Variants in ZMYND11 observed in about 807,000 individuals in gnomAD.
ZMYND11 encodes zinc finger MYND-type containing 11, also known as zinc finger MYND domain-containing protein 11.
A neutral mutation model predicts 84.9 loss-of-function variants in ZMYND11; 9 were observed. That is an observed-to-expected ratio of 0.11 (90% CI 0.06 to 0.18). The LOEUF (loss-of-function observed/expected upper bound fraction) is 0.18. ZMYND11 is among the 10% of genes least tolerant of loss of function. The probability of loss-of-function intolerance (pLI) is 1.00; values close to 1 mark genes in which losing one functional copy is unlikely to be tolerated. For synonymous variants in ZMYND11, 250 were observed against 244.1 expected (o/e 1.02, Z -0.23); for missense variants, 409 against 761.0 (o/e 0.54, Z 5.44).
intron 2 of ZMYND11, among the ~76,000 whole-genome samples, chr10:188,670 T>C (rs1335729757): frequency 6.6e-6 from 1 of 152,202 alleles, no homozygotes; most frequent in Non-Finnish European, 1.5e-5. Flanking sequence ...GTGTCTATTT[T>C]AGTATCCATT....
chr10:242,945 AAAT>A (rs779884016), intron 10 of ZMYND11, among the ~76,000 whole-genome samples: 1 of 152,384 alleles, frequency 6.6e-6, no homozygotes, highest in African/African-American at 2.4e-5. Flanking sequence ...AAGAAACATT[AAAT>A]AATGATCCAA....
intron 10 of ZMYND11, chr10:244,536 A>T (rs1589253814): frequency 6.6e-6 from 1 of 152,322 alleles, no homozygotes; most frequent in East Asian, 1.9e-4. Flanking sequence ...ACCTGTCTTA[A>T]GGAGGCTAGA....
intron 1 of ZMYND11, among the ~76,000 whole-genome samples, chr10:152,711 C>T (rs1329931027): frequency 6.6e-6 from 1 of 152,156 alleles, no homozygotes; most frequent in Admixed American, 6.5e-5. Flanking sequence ...ACCAAGCGGA[C>T]CTACTAGACA....
chr10:136,160 C>T (rs73581705), intron 1 of ZMYND11, among the ~76,000 whole-genome samples: 34,533 of 152,010 alleles, frequency 0.23, 4,225 homozygotes, highest in South Asian at 0.33. Flanking sequence ...CGCGGACCTC[C>T]GGGACAGTCC....
intron 8 of ZMYND11, among the ~76,000 whole-genome samples, chr10:240,521 GTCTTT>G (rs769101574): frequency 3.3e-5 from 5 of 152,094 alleles, no homozygotes; most frequent in Admixed American, 6.6e-5. Flanking sequence ...ACAAAAAAAG[GTCTTT>G]TATTTTCATG....
chr10:195,416 T>A (rs1157405611), intron 2 of ZMYND11, among the ~76,000 whole-genome samples: 1 of 152,222 alleles, frequency 6.6e-6, no homozygotes. Context: ...AAAATTAGGC[T>A]GGTGCCACCA....
At chr10:179,552 G>A (rs1321439575) in intron 1 of ZMYND11, among the ~76,000 whole-genome samples, 2 of 152,004 alleles carry the variant, frequency 1.3e-5, no homozygotes, top group Non-Finnish European at 2.9e-5. Flanking sequence ...ATCTATGTAT[G>A]TATATAAAAT....
intron 1 of ZMYND11, among the ~76,000 whole-genome samples, chr10:136,544 T>G (rs918216986): frequency 2.6e-5 from 4 of 152,150 alleles, no homozygotes; most frequent in Non-Finnish European, 5.9e-5. Flanking sequence ...GCTTAGGCTG[T>G]GCACTCAGCC....
intron 5 of ZMYND11, 91 bp downstream of exon 5, chr10:237,006 A>G (rs7903169): frequency 3.2e-6 from 4 of 1,231,136 alleles, no homozygotes; most frequent in African/African-American, 3.0e-5. Flanking sequence ...AGAAGTAACA[A>G]ATATGTACAT....
intron 2 of ZMYND11, among the ~76,000 whole-genome samples, chr10:202,500 T>G (rs1943389951): frequency 6.6e-6 from 1 of 152,178 alleles, no homozygotes; most frequent in Admixed American, 6.5e-5. Flanking sequence ...TCAGTTATTC[T>G]TTATTCTAAT....
chr10:218,063 T>G (rs1946488312), intron 3 of ZMYND11, among the ~76,000 whole-genome samples: 1 of 152,216 alleles, frequency 6.6e-6, no homozygotes, highest in Admixed American at 6.5e-5. Flanking sequence ...GTGAACCAGT[T>G]TTAAATTAAT....
intron 1 of ZMYND11, among the ~76,000 whole-genome samples, chr10:178,244 T>G (rs1327372893): frequency 6.6e-6 from 1 of 152,238 alleles, no homozygotes; most frequent in African/African-American, 2.4e-5. Context: ...ATTATTTTCT[T>G]GGCAAGGGTC....
intron 2 of ZMYND11, among the ~76,000 whole-genome samples, chr10:204,382 G>T (rs1165753966): frequency 6.6e-6 from 1 of 151,900 alleles, no homozygotes; most frequent in African/African-American, 2.4e-5. Context: ...TCTTACTGTT[G>T]TTGTAAATAA....
At chr10:157,293 A>T (rs1167798959) in intron 1 of ZMYND11, among the ~76,000 whole-genome samples, 1 of 152,096 alleles carries the variant, frequency 6.6e-6, no homozygotes, top group African/African-American at 2.4e-5. Flanking sequence ...TCTGCCTCCC[A>T]GGTTCAAGCG....
At chr10:221,058 C>T in intron 3 of ZMYND11, 137 bp from the exon 4 acceptor site, 1 of 738,694 alleles carries the variant, frequency 1.4e-6, no homozygotes, top group Non-Finnish European at 2.2e-6. Context: ...GGTATTTTCC[C>T]TCTTGTTTTA....
At chr10:193,798 G>C (rs1036063247) in intron 2 of ZMYND11, among the ~76,000 whole-genome samples, 1 of 152,094 alleles carries the variant, frequency 6.6e-6, no homozygotes, top group Admixed American at 6.5e-5. Context: ...AGCTTTGCCT[G>C]TTTTAGAATT....
At chr10:203,471 G>A (rs148976015) in intron 2 of ZMYND11, among the ~76,000 whole-genome samples, 1 of 152,116 alleles carries the variant, frequency 6.6e-6, no homozygotes, top group Non-Finnish European at 1.5e-5. Flanking sequence ...ATGAGCATAT[G>A]TACCAATTTC....
At chr10:134,011 C>T (rs1256162711), upstream of ZMYND11, among the ~76,000 whole-genome samples, 1 of 152,080 alleles carries the variant, frequency 6.6e-6, no homozygotes, top group Non-Finnish European at 1.5e-5. Context: ...TCAGAATCCC[C>T]AAATTCCTAC....
chr10:206,488 TGTCA>T (rs1944199502), intron 2 of ZMYND11, among the ~76,000 whole-genome samples: 1 of 152,256 alleles, frequency 6.6e-6, no homozygotes, highest in African/African-American at 2.4e-5. Flanking sequence ...TTTATATTTC[TGTCA>T]GTATTTCTTT....
Sources: gnomAD v4.1 joint callset for allele counts (sites outside exome capture counted in the v4.1 genomes callset) on GRCh38, gnomAD v4.1.1 for gene constraint, MANE v1.5 for transcripts, NCBI Gene and HGNC (gene_info 2026-07-23, HGNC 2026-07-21) for gene names.